SUPT3H: variants seen among roughly 807,000 people sequenced by gnomAD.
SUPT3H encodes transcription initiation protein SPT3 homolog.
SUPT3H carries 44 observed loss-of-function variants against 44.3 expected under a neutral mutation model. That is an observed-to-expected ratio of 0.99 (90% CI 0.78 to 1.28). SUPT3H has a LOEUF of 1.28. Ranked by LOEUF, SUPT3H falls within the 50% of genes most tolerant of loss-of-function variation. The pLI is 0.00. For missense variants in SUPT3H, 380 were observed against 387.1 expected (o/e 0.98, Z 0.15); for synonymous variants, 124 against 125.6 (o/e 0.99, Z 0.09).
intron 3 of SUPT3H, among the ~76,000 whole-genome samples, chr6:45,021,110 T>C (rs116486284): frequency 0.018 from 2,676 of 151,868 alleles, 51 homozygotes; most frequent in South Asian, 0.086. Context: ...GGAAAAAAAA[T>C]ACGTTTAGTT....
intron 10 of SUPT3H, among the ~76,000 whole-genome samples, chr6:44,899,696 AAAAC>A (rs1001598987): frequency 1.1e-4 from 17 of 152,206 alleles, no homozygotes; most frequent in African/African-American, 3.1e-4. Flanking sequence ...AAAACAAAAC[AAAAC>A]AAACAAACAA....
chr6:45,177,009 T>A (rs977594982), intron 2 of SUPT3H, among the ~76,000 whole-genome samples: 2 of 151,574 alleles, frequency 1.3e-5, no homozygotes, highest in Non-Finnish European at 2.9e-5. Flanking sequence ...AAAAACAGAG[T>A]GCCTCTCCTC....
intron 6 of SUPT3H, among the ~76,000 whole-genome samples, chr6:44,965,653 C>T (rs761988520): frequency 3.3e-5 from 5 of 151,432 alleles, no homozygotes; most frequent in African/African-American, 1.2e-4. Flanking sequence ...TGCTTATCAC[C>T]TAATTTTTGT....
chr6:45,063,308 T>G (rs1014021540), intron 3 of SUPT3H, among the ~76,000 whole-genome samples: 113 of 150,258 alleles, frequency 7.5e-4, no homozygotes, highest in Non-Finnish European at 1.4e-3. Flanking sequence ...AAAACCCATC[T>G]GTACATCACC....
At chr6:45,003,039 A>C (rs1333698144) in intron 6 of SUPT3H, among the ~76,000 whole-genome samples, 2 of 152,142 alleles carry the variant, frequency 1.3e-5, no homozygotes, top group Non-Finnish European at 2.9e-5. Flanking sequence ...TTTACTTTAA[A>C]TTTTTCCTTT....
At chr6:44,980,228 G>A (rs937139778) in intron 6 of SUPT3H, among the ~76,000 whole-genome samples, 1 of 151,178 alleles carries the variant, frequency 6.6e-6, no homozygotes, top group African/African-American at 2.4e-5. Flanking sequence ...GAAAGGGTAG[G>A]GAGTGTACCC....
chr6:45,076,405 GAC>G (rs1795004942), intron 3 of SUPT3H, among the ~76,000 whole-genome samples: 1 of 151,682 alleles, frequency 6.6e-6, no homozygotes, highest in Admixed American at 6.6e-5. Flanking sequence ...ACTTCCAGAA[GAC>G]ACATACAAGC....
intron 2 of SUPT3H, among the ~76,000 whole-genome samples, chr6:45,278,016 T>C (rs1777311275): frequency 6.6e-6 from 1 of 150,820 alleles, no homozygotes; most frequent in Non-Finnish European, 1.5e-5. Flanking sequence ...CTCAGCAAAC[T>C]AACACAGGAA....
intron 7 of SUPT3H, among the ~76,000 whole-genome samples, chr6:44,960,483 T>C (rs770940832): frequency 9.7e-5 from 14 of 145,058 alleles, no homozygotes; most frequent in Admixed American, 1.4e-4. Context: ...CAAAAAAACA[T>C]GAAGTAACTG....
At chr6:45,110,419 A>G (rs971301806) in intron 2 of SUPT3H, among the ~76,000 whole-genome samples, 4 of 152,292 alleles carry the variant, frequency 2.6e-5, no homozygotes, top group African/African-American at 9.6e-5. Context: ...CACTTTTAAC[A>G]TTTTTGCGCT....
chr6:45,077,626 C>CAAA lies in SUPT3H; in HGVS notation c.186+28293_186+28295dup, dbSNP rs70993493. ...TAGGTGACAGAGTGAGACCTTGTTTCAAAAAAAAAAAAAAAAGAAAAGAAA... is the reference window on the plus strand; with the variant it reads ...TAGGTGACAGAGTGAGACCTTGTTTCAAAAAAAAAAAAAAAAAAAGAAAAGAAA... On this transcript the variant is annotated intron_variant, in intron 3 of 10. Coordinates refer to ENST00000371459, the MANE Select transcript of SUPT3H (RefSeq NM_003599.4). Among the ~76,000 whole-genome samples the CAAA allele has an allele frequency of 3.6e-3, 121 of 34,018 alleles. 5 individuals are homozygous for CAAA. The highest frequency in any genetic ancestry group is 0.011 in the African/African-American group (80 of 7,004). 22.3% of individuals were successfully genotyped at this position (34,018 alleles called of 152,430 possible).
intron 2 of SUPT3H, among the ~76,000 whole-genome samples, chr6:45,242,570 T>C (rs1016002263): frequency 9.9e-5 from 15 of 152,194 alleles, no homozygotes; most frequent in African/African-American, 2.4e-4. Flanking sequence ...TGGCATTCAA[T>C]AGTGACTCTT....
At chr6:44,938,919 T>C (rs1771932853) in intron 9 of SUPT3H, among the ~76,000 whole-genome samples, 1 of 152,208 alleles carries the variant, frequency 6.6e-6, no homozygotes, top group Admixed American at 6.5e-5. Flanking sequence ...TACAATGATT[T>C]TGTGTACTCA....
At chr6:45,273,255 T>C (rs1055836465) in intron 2 of SUPT3H, among the ~76,000 whole-genome samples, 2 of 152,200 alleles carry the variant, frequency 1.3e-5, no homozygotes, top group African/African-American at 2.4e-5. Context: ...TCCTTGAAAA[T>C]TGATGTGGAT....
chr6:45,123,986 C>A lies in SUPT3H; in HGVS notation c.102-17980G>T, dbSNP rs1243565460. On this transcript the variant is annotated intron_variant, in intron 2 of 10. Transcript: ENST00000371459. ...ATTCGTGGTTACACAGGCTGCTGAA[C>A]AAAAACAGGGAGCTATGTTGATTTC... Among the ~76,000 whole-genome samples the A allele has an allele frequency of 2.0e-5, 3 of 152,044 alleles. No individual in the cohort carries two copies. In the East Asian group the frequency reaches 5.8e-4, roughly 29 times the overall value.
In SUPT3H at chr6:45,003,701, T is replaced by C; in HGVS notation, c.456A>G (p.Ala152=). 6.2e-7 allele frequency: 1 copy of C among 1,613,858 alleles called. No homozygotes were observed. Residue 152 remains alanine (A), a synonymous_variant, in exon 6 of 11, where the codon GCA becomes GCG. Transcript: ENST00000371459. ...NSIDQTGELL[A]MFEDDEIDEV... is the part of the protein sequence containing the mutation. ...CATCAATTTCGTCATCTTCAAACAT[T>C]GCTAAAAGTTCTCCTGTCTGGTCAA...
Position 45,190,497 on chromosome 6 carries a change from T to G in SUPT3H, c.102-84491A>C, listed in dbSNP as rs189054609. Among the ~76,000 whole-genome samples the G allele has an allele frequency of 2.6e-5, 4 of 151,910 alleles. No individual in the cohort carries two copies. The East Asian group carries it at 7.7e-4, about 29-fold the overall frequency. On this transcript the variant is annotated intron_variant, in intron 2 of 10. Coordinates refer to ENST00000371459, the MANE Select transcript of SUPT3H (RefSeq NM_003599.4). ...CCAATTCTTTGTGCTGAAACTTATG[T>G]GAAAAAAAAATGATGGAAGACTTTG...
At chr6:45,000,087 C>T (rs7775597) in intron 6 of SUPT3H, among the ~76,000 whole-genome samples, 145,484 of 151,954 alleles carry the variant, frequency 0.96, 69,632 homozygotes, top group East Asian at 1. Flanking sequence ...TGTATATACA[C>T]AGATATATAC....
At chr6:45,316,628 T>A (rs1784742923) in intron 2 of SUPT3H, among the ~76,000 whole-genome samples, 1 of 152,108 alleles carries the variant, frequency 6.6e-6, no homozygotes. Flanking sequence ...ATCATTTCCA[T>A]ACTATTCAAA....
Sources: allele counts gnomAD v4.1 joint callset (sites outside exome capture counted in the v4.1 genomes callset), GRCh38; gene constraint gnomAD v4.1.1; transcripts MANE v1.5; gene names NCBI Gene and HGNC (gene_info 2026-07-23, HGNC 2026-07-21).